SCN8A: variants seen among roughly 807,000 people sequenced by gnomAD.
The protein encoded by SCN8A is sodium voltage-gated channel alpha subunit 8, also known as sodium channel protein type 8 subunit alpha.
In SCN8A, 30 loss-of-function variants were observed where a neutral mutation model predicts 184.1. The observed-to-expected ratio is 0.16, with a 90% CI of 0.12 to 0.22. SCN8A has a LOEUF of 0.22. Among genes scored for constraint, SCN8A ranks in the 10% least tolerant of loss-of-function variants. SCN8A has a pLI of 1.00. For missense variants in SCN8A, 1,057 were observed against 2,498.9 expected (o/e 0.42, Z 12.30); for synonymous variants, 852 against 907.0 (o/e 0.94, Z 1.09).
intron 1 of SCN8A, among the ~76,000 whole-genome samples, chr12:51,614,653 A>C (rs146606987): frequency 6.6e-6 from 1 of 152,092 alleles, no homozygotes; most frequent in African/African-American, 2.4e-5. Context: ...GATTTCACCA[A>C]ATTTTCTACT....
intron 1 of SCN8A, among the ~76,000 whole-genome samples, chr12:51,614,453 A>C (rs148840182): frequency 9.9e-4 from 150 of 152,178 alleles, no homozygotes; most frequent in Admixed American, 2.4e-3. Context: ...CTTTTTACTT[A>C]AAAGACATTT....
intron 2 of SCN8A, among the ~76,000 whole-genome samples, chr12:51,682,624 T>C (rs952493581): frequency 8.5e-5 from 13 of 152,226 alleles, no homozygotes; most frequent in African/African-American, 3.1e-4. Context: ...CTTGGTCTTA[T>C]GTTCCTTTTT....
intron 1 of SCN8A, among the ~76,000 whole-genome samples, chr12:51,662,384 G>A (rs1224560261): frequency 4.6e-5 from 7 of 152,152 alleles, no homozygotes; most frequent in African/African-American, 1.7e-4. Flanking sequence ...CTTTAGGAAA[G>A]GAAGGTGACT....
At chr12:51,652,758 T>C (rs908625867) in intron 1 of SCN8A, among the ~76,000 whole-genome samples, 2 of 152,216 alleles carry the variant, frequency 1.3e-5, no homozygotes, top group African/African-American at 2.4e-5. Flanking sequence ...AAGCTTTCCT[T>C]GATCTCTCCA....
rs1938782454 is a variant in SCN8A at position 51,808,385 on chromosome 12, CA to C, written c.*957del. On this transcript the variant is annotated 3_prime_UTR_variant, in exon 27 of 27. Coordinates refer to ENST00000627620, the MANE Select transcript of SCN8A (RefSeq NM_001330260.2). ...GTATATGTTTAACAGACATCTCTAA[CA>C]TACAGCCATTGTTGCACATTTTGCA... 6.6e-6 allele frequency: 1 copy of C among 152,608 alleles called. No homozygotes were observed. Among genetic ancestry groups the C allele is most frequent in the Non-Finnish European group, 1.5e-5 (1 of 68,058 alleles). 9.5% of individuals were successfully genotyped at this position (152,608 alleles called of 1,614,324 possible). A position where few individuals can be genotyped will look rare whatever the true frequency, so the allele number is the denominator to read the frequency against.
intron 1 of SCN8A, among the ~76,000 whole-genome samples, chr12:51,622,154 A>G (rs1324999217): frequency 1.3e-5 from 2 of 152,246 alleles, no homozygotes; most frequent in Admixed American, 6.5e-5. Flanking sequence ...ATTTTTTAAA[A>G]TCAACTTTTT....
At chr12:51,713,093 C>G in intron 11 of SCN8A, 3 of 1,346,540 alleles carry the variant, frequency 2.2e-6, no homozygotes, top group Non-Finnish European at 3.2e-6. Context: ...TCAAAAGTTA[C>G]AAAAGCAGAT....
At chr12:51,759,899 A>G (rs559856475) in intron 14 of SCN8A, among the ~76,000 whole-genome samples, 1 of 152,358 alleles carries the variant, frequency 6.6e-6, no homozygotes, top group South Asian at 2.1e-4. Context: ...GTGCTACATC[A>G]TCCCATGGTA....
rs999599591 is a variant in SCN8A at position 51,595,949 on chromosome 12, T to C, written c.-55+4590T>C. Among the ~76,000 whole-genome samples the C allele has an allele frequency of 1.3e-5, 2 of 152,312 alleles. 1 individual carries two copies. Among genetic ancestry groups the C allele is most frequent in the Admixed American group, 1.3e-4 (2 of 15,292 alleles). ...GGCTTCCACCAACACAGTGCAAATGTGGTTACCAAAGTACCTCTTGCCTTG... is the reference window on the plus strand; with the variant it reads ...GGCTTCCACCAACACAGTGCAAATGCGGTTACCAAAGTACCTCTTGCCTTG... On this transcript the variant is annotated intron_variant, in intron 1 of 26. Coordinates refer to ENST00000627620, the MANE Select transcript of SCN8A (RefSeq NM_001330260.2).
At chr12:51,742,301 A>T (rs1170416683) in intron 12 of SCN8A, among the ~76,000 whole-genome samples, 1 of 152,140 alleles carries the variant, frequency 6.6e-6, no homozygotes, top group Non-Finnish European at 1.5e-5. Context: ...GTATCTTCAG[A>T]TGATTTCTTC....
chr12:51,746,052 G>A lies in SCN8A; in HGVS notation c.2131+17G>A. 6.3e-7 allele frequency: 1 copy of A among 1,575,954 alleles called. No individual in the cohort carries two copies. Among genetic ancestry groups the A allele is most frequent in the East Asian group, 2.3e-5 (1 of 44,136 alleles). On this transcript the variant is annotated intron_variant, in intron 13 of 26. Coordinates refer to ENST00000627620, the MANE Select transcript of SCN8A (RefSeq NM_001330260.2). ...TAGTAGAAGGTATGTGCCCTATAAT[G>A]TCAGTCCAACCGCTGAGATATAAAT...
At chr12:51,673,568 A>G (rs1941169988) in intron 2 of SCN8A, among the ~76,000 whole-genome samples, 1 of 152,224 alleles carries the variant, frequency 6.6e-6, no homozygotes, top group South Asian at 2.1e-4. Flanking sequence ...GGGCACCCAG[A>G]AGAAAGTTGG....
intron 1 of SCN8A, among the ~76,000 whole-genome samples, chr12:51,655,233 C>G (rs951831792): frequency 6.6e-6 from 1 of 152,112 alleles, no homozygotes; most frequent in African/African-American, 2.4e-5. Context: ...TTTAACAGCC[C>G]CTCCTAGATG....
chr12:51,733,107 GA>G (rs1942270357), intron 12 of SCN8A, among the ~76,000 whole-genome samples: 1 of 152,150 alleles, frequency 6.6e-6, no homozygotes, highest in Non-Finnish European at 1.5e-5. Flanking sequence ...TAACAGTGGT[GA>G]AAGTGAGTAT....
chr12:51,643,047 C>T (rs1940490276), intron 1 of SCN8A, among the ~76,000 whole-genome samples: 1 of 152,116 alleles, frequency 6.6e-6, no homozygotes, highest in African/African-American at 2.4e-5. Flanking sequence ...CTTTAATGCC[C>T]TATTGTTTAA....
At position 51,806,108 on chromosome 12, in the gene SCN8A, G is replaced by A. The variant is rs186721828; in HGVS notation, c.4796-174G>A. Among the ~76,000 whole-genome samples the A allele has an allele frequency of 5.6e-4, 85 of 152,300 alleles. No individual in the cohort carries two copies. The highest frequency in any genetic ancestry group is 1.8e-3 in the African/African-American group (74 of 41,578). ...CTCCCAAAGTCCTGGGATTACAGGC[G>A]TGAGCCCCCATGCCCAGCCAAAATG... is the stretch of plus-strand genomic sequence containing the variant. On this transcript the variant is annotated intron_variant, in intron 26 of 26. Transcript: ENST00000627620. The surrounding 1 kb of genome is among the most constrained non-coding windows in gnomAD (Gnocchi z 8.7).
rs371358944 is a variant in SCN8A at position 51,734,214 on chromosome 12, T to C, written c.1999-11689T>C. Among the ~76,000 whole-genome samples the C allele has an allele frequency of 3.7e-3, 568 of 152,224 alleles. 2 individuals are homozygous for C. The highest frequency in any genetic ancestry group is 0.013 in the African/African-American group (544 of 41,534). On this transcript the variant is annotated intron_variant, in intron 12 of 26. Coordinates refer to ENST00000627620, the MANE Select transcript of SCN8A (RefSeq NM_001330260.2). ...GTCAGTGCTGCTGAGACCAGCTCGG[T>C]TGGGGAGACCCTAACCCAGTGGCGC... is the stretch of plus-strand genomic sequence containing the variant.
chr12:51,799,470 C>G (rs1938497183), intron 26 of SCN8A, among the ~76,000 whole-genome samples: 1 of 152,220 alleles, frequency 6.6e-6, no homozygotes, highest in African/African-American at 2.4e-5. Context: ...GAGTAGTTAT[C>G]TGCAGAAGAT....
At chr12:51,713,353 C>T (rs1009618586) in intron 11 of SCN8A, 4 of 1,047,282 alleles carry the variant, frequency 3.8e-6, no homozygotes, top group Non-Finnish European at 4.4e-6. Context: ...CTCTTCAACA[C>T]AAGAATAAGT....
Sources: allele counts gnomAD v4.1 joint callset (sites outside exome capture counted in the v4.1 genomes callset), GRCh38; gene constraint gnomAD v4.1.1; non-coding constraint Gnocchi (gnomAD v3.1); transcripts MANE v1.5; gene names NCBI Gene and HGNC (gene_info 2026-07-23, HGNC 2026-07-21).